Variants in HEXB observed in about 807,000 individuals in gnomAD.
HEXB encodes the protein hexosaminidase subunit beta, also known as beta-hexosaminidase subunit beta.
Under a neutral mutation model 71.2 loss-of-function variants are expected in HEXB, and 51 were observed. The observed-to-expected ratio is 0.72, with a 90% confidence interval of 0.57 to 0.90. The LOEUF (loss-of-function observed/expected upper bound fraction) is 0.90. HEXB is among the 40% of genes least tolerant of loss of function. HEXB has a pLI of 0.00. For missense variants in HEXB, 617 were observed against 677.0 expected, an observed-to-expected ratio of 0.91 and a Z score of 0.98; for synonymous variants, 266 against 249.3, an observed-to-expected ratio of 1.07 and a Z score of -0.63.
Position 74,670,048 on chromosome 5 carries a change from T to C in HEXB, c.-376-19280T>C, listed in dbSNP as rs558310767. The stretch of plus-strand genomic sequence containing the variant: ...ACCTGACCTTCAAACCAAAGAGAGT[T>C]TGAAGCCTGAAAGCCAAGGTACTAG... On this transcript the variant is annotated intron_variant, in intron 1 of 13. Coordinates refer to the HEXB transcript ENST00000511181. Among the ~76,000 whole-genome samples, 168 of 152,210 alleles carry C rather than the reference T, an allele frequency of 1.1e-3. 2 individuals are homozygous for C. The South Asian group carries it at 0.034, about 30-fold the overall frequency.
At chr5:74,681,071 C>T (rs1324920414), upstream of HEXB, among the ~76,000 whole-genome samples, 2 of 152,108 alleles carry the variant, frequency 1.3e-5, no homozygotes, top group Non-Finnish European at 2.9e-5. Flanking sequence ...TTTAGTTCTT[C>T]GGGGCCCTGG....
At position 74,685,294 on chromosome 5, in the gene HEXB, C is replaced by T. The variant is rs1372034098; in HGVS notation, c.34C>T (p.Pro12Ser). The T allele has an allele frequency of 1.3e-6, 2 of 1,554,942 alleles. No individual in the cohort carries two copies. The highest frequency in any genetic ancestry group is 2.4e-5 in the East Asian group (1 of 41,664). The change falls in exon 1 of 14, where the codon CCC (proline) becomes TCC (serine). Residue 12 changes from proline to serine, a missense_variant. Pro to Ser is a moderately conservative substitution (Grantham distance 74). Coordinates refer to ENST00000261416, the MANE Select transcript of HEXB (RefSeq NM_000521.4). ...ELCGLGLPRP[P>S]MLLALLLATL... ...GTGCGGGCTGGGGCTGCCCCGGCCGCCCATGCTGCTGGCGCTGCTGTTGGC... is the reference window on the plus strand; with the variant it reads ...GTGCGGGCTGGGGCTGCCCCGGCCGTCCATGCTGCTGGCGCTGCTGTTGGC...
intron 3 of HEXB, among the ~76,000 whole-genome samples, chr5:74,695,971 C>T (rs916811474): frequency 6.6e-6 from 1 of 151,970 alleles, no homozygotes; most frequent in Admixed American, 6.6e-5. Flanking sequence ...CATTATTGAA[C>T]GTAATGTCAC....
intron 1 of HEXB, among the ~76,000 whole-genome samples, chr5:74,659,547 A>G (rs577192853): frequency 6.6e-6 from 1 of 152,328 alleles, no homozygotes; most frequent in Admixed American, 6.5e-5. Context: ...GAAAGAAAAA[A>G]TAGAAGGTGT....
At chr5:74,707,251 C>G (rs371092695) in intron 6 of HEXB, among the ~76,000 whole-genome samples, 11 of 111,570 alleles carry the variant, frequency 9.9e-5, no homozygotes, top group African/African-American at 3.7e-4. Flanking sequence ...AGAAGGAAAA[C>G]TAACAAACAG....
At chr5:74,690,343 CAG>C (rs1255120962) in intron 2 of HEXB, among the ~76,000 whole-genome samples, 35 of 152,058 alleles carry the variant, frequency 2.3e-4, no homozygotes, top group Non-Finnish European at 1.0e-4. Flanking sequence ...AAAGAGCAGA[CAG>C]GGGAACTAAG....
At chr5:74,685,999 C>T (rs1306813019) in intron 1 of HEXB, among the ~76,000 whole-genome samples, 1 of 152,112 alleles carries the variant, frequency 6.6e-6, no homozygotes, top group Non-Finnish European at 1.5e-5. Context: ...CGCCCCCTCA[C>T]CTCTCCTCAC....
chr5:74,709,445 A>G (rs1749484368), intron 6 of HEXB, among the ~76,000 whole-genome samples: 1 of 152,224 alleles, frequency 6.6e-6, no homozygotes, highest in South Asian at 2.1e-4. Flanking sequence ...CTAAAATCAA[A>G]GCAGAACTGA....
intron 5 of HEXB, among the ~76,000 whole-genome samples, chr5:74,698,949 T>G (rs1325217846): frequency 6.6e-6 from 1 of 151,472 alleles, no homozygotes; most frequent in African/African-American, 2.4e-5. Context: ...CTTTGGGAGG[T>G]GGAGGCAGGT....
chr5:74,674,618 A>AT (rs1460332676), intron 1 of HEXB, among the ~76,000 whole-genome samples: 1 of 151,496 alleles, frequency 6.6e-6, no homozygotes, highest in Non-Finnish European at 1.5e-5. Context: ...AAAAAAAAAA[A>AT]AAAGAAGAAG....
intron 1 of HEXB, among the ~76,000 whole-genome samples, chr5:74,653,029 A>G (rs1748150097): frequency 6.6e-6 from 1 of 152,220 alleles, no homozygotes; most frequent in Non-Finnish European, 1.5e-5. Flanking sequence ...AATGTAAAGG[A>G]GGACCCAATA....
At chr5:74,716,190 T>A (rs1405647126) in intron 8 of HEXB, among the ~76,000 whole-genome samples, 1 of 152,006 alleles carries the variant, frequency 6.6e-6, no homozygotes, top group Non-Finnish European at 1.5e-5. Context: ...CATTTTGGTA[T>A]GGCAAAGTAA....
chr5:74,721,213 C>CAATCAACTTTATTTTGAAA lies in HEXB; in HGVS notation c.*39_*57dup. 7.0e-7 allele frequency: 1 copy of CAATCAACTTTATTTTGAAA among 1,432,118 alleles called. No individual in the cohort carries two copies. The highest frequency in any genetic ancestry group is 1.4e-5 in the African/African-American group (1 of 71,344). The allele number at this position is 1,432,118 out of a possible 1,614,324, so 88.7% of individuals were successfully genotyped here. A position where few individuals can be genotyped will look rare whatever the true frequency, so the allele number is the denominator to read the frequency against. ...AAAAAGGCCACAGCAATCTGTACTA[C>CAATCAACTTTATTTTGAAA]AATCAACTTTATTTTGAAATCATGT... On this transcript the variant is annotated 3_prime_UTR_variant, in exon 14 of 14. Coordinates refer to ENST00000261416, the MANE Select transcript of HEXB (RefSeq NM_000521.4).
At chr5:74,716,424 A>G (rs114655776) in intron 8 of HEXB, among the ~76,000 whole-genome samples, 163 bp from the exon 9 acceptor site, 338 of 152,346 alleles carry the variant, frequency 2.2e-3, no homozygotes, top group African/African-American at 7.9e-3. Context: ...TTTGCAATGG[A>G]TAATTAAGAT....
At chr5:74,668,438 A>T (rs1748475621) in intron 1 of HEXB, among the ~76,000 whole-genome samples, 1 of 152,202 alleles carries the variant, frequency 6.6e-6, no homozygotes, top group South Asian at 2.1e-4. Context: ...TCAGAGAGGT[A>T]GCCTGGCCCC....
At chr5:74,701,538 C>A (rs1042773485) in intron 5 of HEXB, among the ~76,000 whole-genome samples, 3 of 152,080 alleles carry the variant, frequency 2.0e-5, no homozygotes, top group African/African-American at 7.2e-5. Context: ...AAGTTACTTT[C>A]TGAAGTCATA....
chr5:74,685,149 C>T, upstream of HEXB: 1 of 1,204,528 alleles, frequency 8.3e-7, no homozygotes, highest in East Asian at 2.9e-5. Context: ...CGCGCGCAGT[C>T]ATCTGACTCG....
At chr5:74,676,338 A>G (rs1247038862) in intron 1 of HEXB, among the ~76,000 whole-genome samples, 3 of 152,154 alleles carry the variant, frequency 2.0e-5, no homozygotes, top group Non-Finnish European at 2.9e-5. Flanking sequence ...ACGGTGTCTC[A>G]CTATGTTGCC....
chr5:74,711,827 C>T (rs1749549670), intron 6 of HEXB, among the ~76,000 whole-genome samples: 1 of 151,954 alleles, frequency 6.6e-6, no homozygotes, highest in Admixed American at 6.6e-5. Flanking sequence ...CACTTTTACA[C>T]TGTTGGGACT....
Sources: allele counts gnomAD v4.1 joint callset (sites outside exome capture counted in the v4.1 genomes callset), GRCh38; gene constraint gnomAD v4.1.1; transcripts MANE v1.5; gene names NCBI Gene and HGNC (gene_info 2026-07-23, HGNC 2026-07-21).